The following NDC1 variants were observed in gnomAD, a reference collection of about 807,000 sequenced individuals.
The protein encoded by NDC1 is nucleoporin NDC1.
In NDC1, 24 loss-of-function variants were observed where a neutral mutation model predicts 89.8. That is an observed-to-expected ratio of 0.27 (90% confidence interval 0.19 to 0.38). NDC1 has a LOEUF of 0.38. Ranked by LOEUF, NDC1 falls within the 10% of genes least tolerant of loss-of-function variation. The probability of loss-of-function intolerance (pLI) is 1.00; values close to 1 mark genes in which losing one functional copy is unlikely to be tolerated. For synonymous variants in NDC1, 296 were observed against 284.8 expected, an observed-to-expected ratio of 1.04 and a Z score of -0.39; for missense variants, 728 against 797.6, an observed-to-expected ratio of 0.91 and a Z score of 1.05.
intron 6 of NDC1, among the ~76,000 whole-genome samples, chr1:53,812,512 A>C (rs1334380055): frequency 6.6e-6 from 1 of 152,258 alleles, no homozygotes; most frequent in Non-Finnish European, 1.5e-5. Context: ...GAAGAAATTC[A>C]AAGCTTGAAG....
chr1:53,824,234 GAAAAAAA>G (rs752108016), intron 5 of NDC1, among the ~76,000 whole-genome samples: 4,334 of 83,966 alleles, frequency 0.052, 97 homozygotes, highest in Middle Eastern at 0.11. Context: ...AACCTTTCTC[GAAAAAAA>G]AAAAAAAAAG....
At chr1:53,828,650 T>C (rs76487091) in intron 3 of NDC1, among the ~76,000 whole-genome samples, 31 of 152,050 alleles carry the variant, frequency 2.0e-4, no homozygotes, top group Non-Finnish European at 1.5e-4. Context: ...TCGCTCTTGT[T>C]GCCCAGGCTG....
At chr1:53,821,869 A>C (rs1425175829) in intron 5 of NDC1, among the ~76,000 whole-genome samples, 1 of 152,230 alleles carries the variant, frequency 6.6e-6, no homozygotes, top group African/African-American at 2.4e-5. Context: ...TAATACTTTC[A>C]ACAGTCTTGT....
Position 53,806,399 on chromosome 1 carries a change from G to A in NDC1, c.984+26C>T. 2.1e-6 allele frequency: 3 copies of A among 1,401,276 alleles called. No homozygotes were observed. The South Asian group carries it at 4.4e-5, about 20-fold the overall frequency. The allele number at this position is 1,401,276 out of a possible 1,614,324, so 86.8% of individuals were successfully genotyped here. A position where few individuals can be genotyped will look rare whatever the true frequency, so the allele number is the denominator to read the frequency against. On this transcript the variant is annotated intron_variant, in intron 9 of 17. Coordinates refer to ENST00000371429, the MANE Select transcript of NDC1 (RefSeq NM_018087.5). Reference sequence around the variant, plus strand: ...TGAATAAAGTTAGAGAAAACTGTGTGAAGATATGCAACACAGTTTGGATAC... The same window carrying A: ...TGAATAAAGTTAGAGAAAACTGTGTAAAGATATGCAACACAGTTTGGATAC...
chr1:53,791,078 C>T (rs1286813653), intron 14 of NDC1, among the ~76,000 whole-genome samples: 1 of 152,198 alleles, frequency 6.6e-6, no homozygotes, highest in African/African-American at 2.4e-5. Context: ...TATCTTTCCA[C>T]TCTACTCCCA....
Position 53,767,795 on chromosome 1 carries a change from C to A in NDC1, c.*175G>T. 2.3e-6 allele frequency: 1 copy of A among 441,956 alleles called. No individual in the cohort carries two copies. The allele number at this position is 441,956 out of a possible 1,614,324, so 27.4% of individuals were successfully genotyped here. A position where few individuals can be genotyped will look rare whatever the true frequency, so the allele number is the denominator to read the frequency against. On this transcript the variant is annotated 3_prime_UTR_variant, in exon 18 of 18. Transcript: ENST00000371429. ...ACAGAAAAGGCAGTTTTCAGTTATT[C>A]TGTTGAGAATTTCTTTCCATGATTT...
chr1:53,820,147 C>T (rs1297938339), intron 5 of NDC1, among the ~76,000 whole-genome samples: 2 of 151,576 alleles, frequency 1.3e-5, no homozygotes, highest in Non-Finnish European at 2.9e-5. Flanking sequence ...CGCAGCTACT[C>T]GGGAGGTTGA....
chr1:53,771,279 A>G (rs1238549787), intron 17 of NDC1: 3 of 152,172 alleles, frequency 2.0e-5, no homozygotes, highest in African/African-American at 4.8e-5. Flanking sequence ...TGTTGTAGAT[A>G]GAAAGATGAA....
At chr1:53,768,882 A>T (rs1190676026) in intron 17 of NDC1, among the ~76,000 whole-genome samples, 1 of 152,214 alleles carries the variant, frequency 6.6e-6, no homozygotes, top group Non-Finnish European at 1.5e-5. Flanking sequence ...TCTCTAACTT[A>T]ATGGCTCTGG....
chr1:53,801,868 T>C (rs1310090406), intron 10 of NDC1, among the ~76,000 whole-genome samples: 1 of 152,200 alleles, frequency 6.6e-6, no homozygotes, highest in Non-Finnish European at 1.5e-5. Context: ...GCAATTCTCC[T>C]GCCTCAGCCT....
intron 17 of NDC1, among the ~76,000 whole-genome samples, chr1:53,770,812 G>A (rs1171513424): frequency 1.3e-5 from 2 of 151,642 alleles, no homozygotes; most frequent in Non-Finnish European, 2.9e-5. Flanking sequence ...GCACCACCAC[G>A]CCCAGTGAAT....
intron 2 of NDC1, 109 bp downstream of exon 2, chr1:53,835,391 G>A: frequency 4.0e-6 from 3 of 756,552 alleles, no homozygotes; most frequent in South Asian, 2.5e-5. Context: ...GTTTTGATGT[G>A]TCAATATAAC....
At chr1:53,816,777 C>A (rs1439681353) in intron 6 of NDC1, among the ~76,000 whole-genome samples, 2 of 150,716 alleles carry the variant, frequency 1.3e-5, no homozygotes, top group Non-Finnish European at 3.0e-5. Flanking sequence ...AGAAAAAAAA[C>A]AAACAATCCC....
At chr1:53,778,400 G>C (rs1647179645) in intron 16 of NDC1, among the ~76,000 whole-genome samples, 1 of 152,090 alleles carries the variant, frequency 6.6e-6, no homozygotes, top group African/African-American at 2.4e-5. Flanking sequence ...AGTCAAACTA[G>C]TTTTCCTTTA....
chr1:53,821,500 G>A (rs1011696036), intron 5 of NDC1, among the ~76,000 whole-genome samples: 1 of 152,114 alleles, frequency 6.6e-6, no homozygotes, highest in African/African-American at 2.4e-5. Context: ...TAATCATATT[G>A]CTTCAATTAT....
At chr1:53,785,685 C>A (rs998457180) in intron 16 of NDC1, among the ~76,000 whole-genome samples, 3 of 151,838 alleles carry the variant, frequency 2.0e-5, no homozygotes, top group African/African-American at 7.3e-5. Flanking sequence ...CGGTTCTCCC[C>A]CGTCAGCCTC....
intron 6 of NDC1, among the ~76,000 whole-genome samples, chr1:53,813,660 T>A (rs1253103241): frequency 6.7e-6 from 1 of 149,024 alleles, no homozygotes; most frequent in Non-Finnish European, 1.5e-5. Context: ...AGAAATGAGA[T>A]AGACAGCAAC....
chr1:53,827,624 C>T (rs78645289), intron 4 of NDC1, among the ~76,000 whole-genome samples: 2,415 of 152,280 alleles, frequency 0.016, 28 homozygotes, highest in Non-Finnish European at 0.027. Context: ...CAACCAAATG[C>T]TACCTCTTCC....
chr1:53,800,758 GCTT>G lies in NDC1; in HGVS notation c.1154_1156del (p.Glu385del). 6.2e-7 allele frequency: 1 copy of G among 1,614,024 alleles called. No homozygotes were observed. Among genetic ancestry groups the G allele is most frequent in the Non-Finnish European group, 8.5e-7 (1 of 1,179,906 alleles). On this transcript the variant is annotated inframe_deletion, in exon 11 of 18. Coordinates refer to ENST00000371429, the MANE Select transcript of NDC1 (RefSeq NM_018087.5). ...AGACACTCTCCCATTCGTAGCAGCA[GCTT>G]CTTGATAGAGAATCAGTTTCTGAGT... is the stretch of plus-strand genomic sequence containing the variant.
Sources: gnomAD v4.1 joint callset for allele counts (sites outside exome capture counted in the v4.1 genomes callset) on GRCh38, gnomAD v4.1.1 for gene constraint, MANE v1.5 for transcripts, NCBI Gene and HGNC (gene_info 2026-07-23, HGNC 2026-07-21) for gene names.